Variants in ABCA3 observed in about 807,000 individuals in gnomAD.
ABCA3 encodes the protein ATP binding cassette subfamily A member 3.
ABCA3 carries 88 observed loss-of-function variants against 172.8 expected under a neutral mutation model. The ratio of observed to expected loss-of-function variants is 0.51; its 90% CI spans 0.43 to 0.61. The LOEUF (loss-of-function observed/expected upper bound fraction) is 0.61. ABCA3 is among the 20% of genes least tolerant of loss of function. The probability of loss-of-function intolerance (pLI) is 0.00; values close to 1 mark genes in which losing one functional copy is unlikely to be tolerated. For missense variants in ABCA3, 2,164 were observed against 2,301.0 expected, an observed-to-expected ratio of 0.94 and a Z score of 1.22; for synonymous variants, 1,066 against 983.8, an observed-to-expected ratio of 1.08 and a Z score of -1.56.
In ABCA3 at chr16:2,278,269, C is replaced by G; in HGVS notation, c.4718+19G>C. On this transcript the variant is annotated intron_variant, in intron 30 of 32. Transcript: ENST00000301732. The surrounding 1 kb of genome is among the most constrained non-coding windows in gnomAD (Gnocchi z 4.4). Reference sequence around the variant, plus strand: ...ACCCGGTGCTGAAACTTCCAGTAACCCACAGACCCAGGCTCTACCTGTGGG... The same window carrying G: ...ACCCGGTGCTGAAACTTCCAGTAACGCACAGACCCAGGCTCTACCTGTGGG... The G allele has an allele frequency of 6.2e-7, 1 of 1,605,630 alleles. No individual in the cohort carries two copies.
At chr16:2,309,544 G>C (rs757328469) in intron 10 of ABCA3, among the ~76,000 whole-genome samples, 17 of 152,226 alleles carry the variant, frequency 1.1e-4, no homozygotes, top group Non-Finnish European at 2.2e-4. Context: ...AGAGGTGAGA[G>C]AGTGGATTAC....
chr16:2,290,669 T>G (rs1191827577), intron 19 of ABCA3, among the ~76,000 whole-genome samples: 2 of 152,218 alleles, frequency 1.3e-5, no homozygotes, highest in Non-Finnish European at 2.9e-5. Flanking sequence ...TGCTCGGTCC[T>G]GTGTGGGACA....
chr16:2,278,920 G>A lies in ABCA3; in HGVS notation c.4547+23C>T, dbSNP rs2093650908. 2 of 1,613,058 alleles carry A rather than the reference G, an allele frequency of 1.2e-6. No homozygotes were observed. Among genetic ancestry groups the A allele is most frequent in the Admixed American group, 1.7e-5 (1 of 59,996 alleles). On this transcript the variant is annotated intron_variant, in intron 29 of 32. Coordinates refer to ENST00000301732, the MANE Select transcript of ABCA3 (RefSeq NM_001089.3). This position sits in a 1 kb window ranked among gnomAD's most constrained non-coding sequence, Gnocchi z 4.4. ...CTTGATTCTGACTCCACTCTGGGAA[G>A]GGCCAGGGCTCGGGAGGTGCACCTG... is the stretch of plus-strand genomic sequence containing the variant.
intron 26 of ABCA3, among the ~76,000 whole-genome samples, chr16:2,282,527 G>A (rs1206620899): frequency 2.0e-5 from 3 of 152,248 alleles, no homozygotes; most frequent in Non-Finnish European, 4.4e-5. Context: ...TTGTTTGAGG[G>A]AGGGGATGGA....
At chr16:2,338,623 G>C (rs2093755535) in intron 1 of ABCA3, among the ~76,000 whole-genome samples, 1 of 152,032 alleles carries the variant, frequency 6.6e-6, no homozygotes, top group African/African-American at 2.4e-5. Flanking sequence ...GTCACCTGTT[G>C]CACCTTTTCT....
At chr16:2,333,147 T>C (rs1387922884) in intron 1 of ABCA3, among the ~76,000 whole-genome samples, 2 of 152,140 alleles carry the variant, frequency 1.3e-5, no homozygotes, top group Non-Finnish European at 2.9e-5. Context: ...TATATCTGCA[T>C]ATATGGAGCA....
chr16:2,331,412 T>C (rs921229871), intron 1 of ABCA3, among the ~76,000 whole-genome samples: 3 of 152,202 alleles, frequency 2.0e-5, no homozygotes, highest in African/African-American at 7.2e-5. Flanking sequence ...TTGGCTAGGC[T>C]GGTCTCAAAC....
intron 1 of ABCA3, among the ~76,000 whole-genome samples, chr16:2,335,208 G>C (rs1422729993): frequency 1.3e-5 from 2 of 152,134 alleles, no homozygotes; most frequent in African/African-American, 4.8e-5. Context: ...TCTCCAAATG[G>C]GGTGGGCTAG....
At chr16:2,313,569 A>G (rs1013588584) in intron 10 of ABCA3, among the ~76,000 whole-genome samples, 8 of 151,006 alleles carry the variant, frequency 5.3e-5, no homozygotes, top group Non-Finnish European at 1.2e-4. Context: ...AAAAAAAAAA[A>G]AAAGAAGAAA....
At position 2,304,037 on chromosome 16, in the gene ABCA3, T is replaced by C. The variant is rs2093693707; in HGVS notation, c.1399A>G (p.Thr467Ala). ...LLDSVLYGLV[T>A]WYMEAVFPGQ... ...GGGAAGACGGCCTCCATGTACCAGG[T>C]CACCAGGCCATAGAGCACAGAGTCC... Residue 467 changes from threonine (T) to alanine (A), a missense_variant, in exon 12 of 33, where the codon ACC (threonine) becomes GCC (alanine). This residue lies in a region of ABCA3 where 1,343 missense variants were observed against 1,369.6 expected (regional missense o/e 0.98). Transcript: ENST00000301732. 4 of 1,614,066 alleles carry C rather than the reference T, an allele frequency of 2.5e-6. No homozygotes were observed. The highest frequency in any genetic ancestry group is 3.4e-6 in the Non-Finnish European group (4 of 1,179,994).
Position 2,277,147 on chromosome 16 carries a change from G to T in ABCA3, c.4984-342C>A, listed in dbSNP as rs2081607061. On this transcript the variant is annotated intron_variant, in intron 32 of 32. Transcript: ENST00000301732. This position sits in a 1 kb window ranked among gnomAD's most constrained non-coding sequence, Gnocchi z 5.3. Reference sequence around the variant, plus strand: ...GTCTTGCTCTGTAGCCCAGGCTGGAGTGCAGTGGCACAATCATAGCTCACT... The same window carrying T: ...GTCTTGCTCTGTAGCCCAGGCTGGATTGCAGTGGCACAATCATAGCTCACT... Among the ~76,000 whole-genome samples, 1 of 152,166 alleles carries T rather than the reference G, an allele frequency of 6.6e-6. No individual in the cohort carries two copies. Among genetic ancestry groups the T allele is most frequent in the African/African-American group, 2.4e-5 (1 of 41,434 alleles).
chr16:2,316,819 G>T (rs2093716663), intron 10 of ABCA3, among the ~76,000 whole-genome samples: 1 of 152,052 alleles, frequency 6.6e-6, no homozygotes, highest in Non-Finnish European at 1.5e-5. Flanking sequence ...AACATTAAAG[G>T]TAATCACTAA....
At position 2,287,888 on chromosome 16, in the gene ABCA3, G is replaced by T; in HGVS notation, c.3004+138C>A. ...GGGGTGGGGCAAGGTCAGGGATGCTGCTGAACCTCCCTCAGTACATTCGGA... is the reference window on the plus strand; with the variant it reads ...GGGGTGGGGCAAGGTCAGGGATGCTTCTGAACCTCCCTCAGTACATTCGGA... On this transcript the variant is annotated intron_variant, in intron 21 of 32. Transcript: ENST00000301732. This position sits in a 1 kb window ranked among gnomAD's most constrained non-coding sequence, Gnocchi z 4.1. The T allele has an allele frequency of 9.1e-7, 1 of 1,093,718 alleles. No individual in the cohort carries two copies. The highest frequency in any genetic ancestry group is 1.3e-6 in the Non-Finnish European group (1 of 759,938). The allele number at this position is 1,093,718 out of a possible 1,614,324, so 67.8% of individuals were successfully genotyped here.
chr16:2,339,971 C>A (rs892741435), intron 1 of ABCA3, among the ~76,000 whole-genome samples: 1 of 152,252 alleles, frequency 6.6e-6, no homozygotes. Context: ...CCTGGACTAG[C>A]GGCTCCCCTT....
Position 2,285,934 on chromosome 16 carries a change from T to A in ABCA3, c.3279-288A>T, listed in dbSNP as rs2093662479. ...ACGGCTGCCGGCGACCTTGCCCAGG[T>A]GTGGAGGTCCCGAGCCCCACCTCCT... On this transcript the variant is annotated intron_variant, in intron 22 of 32. Transcript: ENST00000301732. The surrounding 1 kb of genome is among the most constrained non-coding windows in gnomAD (Gnocchi z 4.7). Among the ~76,000 whole-genome samples the A allele has an allele frequency of 1.3e-5, 2 of 152,032 alleles. No homozygotes were observed. The highest frequency in any genetic ancestry group is 4.8e-5 in the African/African-American group (2 of 41,394).
Position 2,278,597 on chromosome 16 carries a change from T to A in ABCA3, c.4548-139A>T. ...AGCCCTAGTGAAGAGGAAGGAGCTGTGTGTGCACCTGGAAAGCCCACCGCA... is the reference window on the plus strand; with the variant it reads ...AGCCCTAGTGAAGAGGAAGGAGCTGAGTGTGCACCTGGAAAGCCCACCGCA... On this transcript the variant is annotated intron_variant, in intron 29 of 32. Transcript: ENST00000301732. This position sits in a 1 kb window ranked among gnomAD's most constrained non-coding sequence, Gnocchi z 4.4. 2 of 1,210,960 alleles carry A rather than the reference T, an allele frequency of 1.7e-6. No individual in the cohort carries two copies. The highest frequency in any genetic ancestry group is 1.4e-5 in the South Asian group (1 of 73,000). The allele number at this position is 1,210,960 out of a possible 1,614,324, so 75.0% of individuals were successfully genotyped here.
chr16:2,314,263 T>C (rs2093711304), intron 10 of ABCA3, among the ~76,000 whole-genome samples: 1 of 151,942 alleles, frequency 6.6e-6, no homozygotes. Context: ...TGTGGCCCCA[T>C]CTACATTATG....
chr16:2,289,144 G>C, intron 20 of ABCA3: 1 of 468,088 alleles, frequency 2.1e-6, no homozygotes, highest in Non-Finnish European at 3.9e-6. Flanking sequence ...CAACCTCCGT[G>C]TCGTTGGCTG....
At chr16:2,332,616 C>T (rs1189870458) in intron 1 of ABCA3, 12 of 1,585,190 alleles carry the variant, frequency 7.6e-6, no homozygotes, top group Admixed American at 6.7e-5. Context: ...TGTACTGTAG[C>T]GTGGGCGGCT....
Sources: gnomAD v4.1 joint callset for allele counts (sites outside exome capture counted in the v4.1 genomes callset) on GRCh38, gnomAD v4.1.1 for gene constraint, gnomAD v4.1.1 regional missense constraint, Gnocchi (gnomAD v3.1) non-coding constraint, MANE v1.5 for transcripts, NCBI Gene and HGNC (gene_info 2026-07-23, HGNC 2026-07-21) for gene names.